Variants in KDM5B observed in about 807,000 individuals in gnomAD.
The protein encoded by KDM5B is lysine-specific demethylase 5B.
A neutral mutation model predicts 193.4 loss-of-function variants in KDM5B; 144 were observed. The observed-to-expected ratio is 0.74, with a 90% CI of 0.65 to 0.86. The LOEUF (loss-of-function observed/expected upper bound fraction) is 0.86, where lower values mean the gene tolerates loss of function less well. KDM5B is among the 40% of genes least tolerant of loss of function. The pLI is 0.00. For synonymous variants in KDM5B, 668 were observed against 682.6 expected (o/e 0.98, Z 0.33); for missense variants, 1,833 against 1,886.9 (o/e 0.97, Z 0.53).
At chr1:202,798,820 G>C (rs1045443315) in intron 1 of KDM5B, among the ~76,000 whole-genome samples, 2 of 151,998 alleles carry the variant, frequency 1.3e-5, no homozygotes, top group Non-Finnish European at 2.9e-5. Context: ...CCAGGAGTTC[G>C]AACCAGCCTC....
chr1:202,796,320 C>A, intron 1 of KDM5B: 1 of 388,830 alleles, frequency 2.6e-6, no homozygotes, highest in East Asian at 7.8e-5. Flanking sequence ...AAGACCCTAC[C>A]AGCTTCACTG....
intron 1 of KDM5B, among the ~76,000 whole-genome samples, chr1:202,788,366 G>A (rs1175971716): frequency 1.3e-5 from 2 of 152,154 alleles, no homozygotes; most frequent in African/African-American, 4.8e-5. Flanking sequence ...TAAAGAACTT[G>A]TTTCAAAGAT....
At chr1:202,749,306 T>TA (rs1655699260) in intron 13 of KDM5B, among the ~76,000 whole-genome samples, 167 bp from the exon 14 acceptor site, 1 of 152,204 alleles carries the variant, frequency 6.6e-6, no homozygotes. Context: ...CTCACACCTG[T>TA]AATTCCAACA....
Position 202,808,321 on chromosome 1 carries a change from A to C in KDM5B, c.-16T>G. On this transcript the variant is annotated 5_prime_UTR_variant, in exon 1 of 27. Transcript: ENST00000367265. ...CCGCCTCCATCACCGCAGGCTGGGC[A>C]AGGGCGAGGCGAAGGTGGGCTCCGG... The C allele has an allele frequency of 2.5e-6, 4 of 1,568,770 alleles. No homozygotes were observed. The highest frequency in any genetic ancestry group is 3.4e-6 in the Non-Finnish European group (4 of 1,160,002).
chr1:202,794,983 C>T (rs1290853538), intron 1 of KDM5B, among the ~76,000 whole-genome samples: 1 of 152,008 alleles, frequency 6.6e-6, no homozygotes, highest in African/African-American at 2.4e-5. Flanking sequence ...AAGGCTGAGG[C>T]GGGCAGATCA....
chr1:202,733,096 A>T (rs1654946417), intron 23 of KDM5B, among the ~76,000 whole-genome samples: 1 of 152,244 alleles, frequency 6.6e-6, no homozygotes, highest in Non-Finnish European at 1.5e-5. Context: ...TACATCATAT[A>T]CGTATATGTA....
chr1:202,808,366 G>C lies in KDM5B; in HGVS notation c.-61C>G, dbSNP rs935978775. On this transcript the variant is annotated 5_prime_UTR_variant, in exon 1 of 27. Transcript: ENST00000367265. ...CTCCGGGACCGAGGCTGCGAGCTCC[G>C]CTCGGTCCGAGACCCGTGCAGACGC... 3 of 1,449,222 alleles carry C rather than the reference G, an allele frequency of 2.1e-6. No individual in the cohort carries two copies. Among genetic ancestry groups the C allele is most frequent in the Non-Finnish European group, 2.7e-6 (3 of 1,091,400 alleles). The allele number at this position is 1,449,222 out of a possible 1,614,324, so 89.8% of individuals were successfully genotyped here. A position where few individuals can be genotyped will look rare whatever the true frequency, so the allele number is the denominator to read the frequency against.
intron 1 of KDM5B, 75 bp from the exon 2 acceptor site, chr1:202,777,169 AC>A: frequency 8.7e-7 from 1 of 1,152,804 alleles, no homozygotes; most frequent in Non-Finnish European, 1.3e-6. Context: ...TAAAATTAAA[AC>A]CCAGGTTAGG....
chr1:202,794,892 A>G (rs531258848), intron 1 of KDM5B, among the ~76,000 whole-genome samples: 36 of 152,344 alleles, frequency 2.4e-4, no homozygotes, highest in African/African-American at 7.9e-4. Context: ...GAGATTAACA[A>G]TAACAATTAA....
At position 202,764,111 on chromosome 1, in the gene KDM5B, G is replaced by A. The variant is rs768990738; in HGVS notation, c.746C>T (p.Thr249Met). The A allele has an allele frequency of 5.0e-5, 78 of 1,574,448 alleles. No individual in the cohort carries two copies. The highest frequency in any genetic ancestry group is 6.5e-5 in the Non-Finnish European group (76 of 1,160,642). The change falls in exon 6 of 27, where the codon ACG becomes ATG. Residue 249 changes from threonine (T) to methionine (M), a missense_variant. Thr to Met is a moderately conservative substitution (Grantham distance 81, BLOSUM62 -1). This residue lies in a region of KDM5B where 355 missense variants were observed against 374.9 expected (regional missense o/e 0.95). Transcript: ENST00000367265. Reference protein sequence around the residue: ...MNIKIEPEETTEARTHNLRRR... With the variant: ...MNIKIEPEETMEARTHNLRRR... The stretch of plus-strand genomic sequence containing the variant: ...TCTCAGATTATGAGTTCTGGCTTCC[G>A]TTGTCTCCTCGGGTTCTATTTTAAT...
chr1:202,798,613 C>A (rs953607712), intron 1 of KDM5B, among the ~76,000 whole-genome samples: 4 of 152,094 alleles, frequency 2.6e-5, no homozygotes, highest in African/African-American at 9.7e-5. Context: ...CCTGTAATCT[C>A]AACTAAATGG....
At chr1:202,782,651 G>A (rs552239452) in intron 1 of KDM5B, among the ~76,000 whole-genome samples, 14 of 152,232 alleles carry the variant, frequency 9.2e-5, no homozygotes, top group African/African-American at 2.6e-4. Flanking sequence ...GAAACATTGC[G>A]ATAATGTTTA....
At position 202,752,823 on chromosome 1, in the gene KDM5B, A is replaced by AC; in HGVS notation, c.1701+81dup. On this transcript the variant is annotated intron_variant, in intron 12 of 26. Coordinates refer to ENST00000367265, the MANE Select transcript of KDM5B (RefSeq NM_006618.5). Reference sequence around the variant, plus strand: ...CTATGGAAAACACAGAACTAAATCAACATCATAAAAAAGTGAATAAAAAGG... The same window carrying AC: ...CTATGGAAAACACAGAACTAAATCAACCATCATAAAAAAGTGAATAAAAAGG... 3 of 1,329,678 alleles carry AC rather than the reference A, an allele frequency of 2.3e-6. No individual in the cohort carries two copies. The South Asian group carries it at 4.0e-5, about 18-fold the overall frequency. 82.4% of individuals were successfully genotyped at this position (1,329,678 alleles called of 1,614,324 possible). A position where few individuals can be genotyped will look rare whatever the true frequency, so the allele number is the denominator to read the frequency against.
chr1:202,751,822 G>C (rs1478546925), intron 12 of KDM5B, among the ~76,000 whole-genome samples: 1 of 152,116 alleles, frequency 6.6e-6, no homozygotes, highest in Non-Finnish European at 1.5e-5. Flanking sequence ...AATTATTAAA[G>C]AACCAGGGTC....
intron 14 of KDM5B, 38 bp downstream of exon 14, chr1:202,748,907 C>G: frequency 6.5e-7 from 1 of 1,531,974 alleles, no homozygotes; most frequent in Non-Finnish European, 8.9e-7. Context: ...TAAATAATAC[C>G]CAATGACAAC....
intron 1 of KDM5B, among the ~76,000 whole-genome samples, chr1:202,795,860 T>C (rs1004324727): frequency 6.6e-6 from 1 of 151,110 alleles, no homozygotes; most frequent in Non-Finnish European, 1.5e-5. Context: ...ATACAGGGAG[T>C]CAGTCTTGGT....
chr1:202,784,322 A>C (rs1384082475), intron 1 of KDM5B, among the ~76,000 whole-genome samples: 1 of 152,200 alleles, frequency 6.6e-6, no homozygotes, highest in Non-Finnish European at 1.5e-5. Context: ...ACCAATTAGA[A>C]ATCAGTGTCA....
At chr1:202,737,880 G>A (rs1429619372) in intron 20 of KDM5B, among the ~76,000 whole-genome samples, 2 of 152,208 alleles carry the variant, frequency 1.3e-5, no homozygotes, top group African/African-American at 4.8e-5. Flanking sequence ...GGACAACTAG[G>A]GAAGACTGGG....
rs766993293 is a variant in KDM5B at position 202,741,446 on chromosome 1, T to C, written c.2866A>G (p.Lys956Glu). The C allele has an allele frequency of 6.8e-6, 11 of 1,611,248 alleles. No individual in the cohort carries two copies. The South Asian group carries it at 1.2e-4, about 18-fold the overall frequency. ...AGTTCCTGCAGCCGGGCCATAGCTT[T>C]CTCCACTGCTGAATACGGGGCCAGC... Reference protein sequence around the residue: ...VGLAPYSAVEKAMARLQELLT... With the variant: ...VGLAPYSAVEEAMARLQELLT... The change falls in exon 19 of 27, where the codon AAA becomes GAA. Residue 956 changes from lysine (K) to glutamate (E), a missense_variant. By Grantham distance (56) the Lys-to-Glu change is moderately conservative (BLOSUM62 1). Around this residue, in one of 3 missense-constraint regions of KDM5B, gnomAD observed 1,379 missense variants for 1,349.6 expected, o/e 1.02. Coordinates refer to ENST00000367265, the MANE Select transcript of KDM5B (RefSeq NM_006618.5).
Sources: allele counts gnomAD v4.1 joint callset (sites outside exome capture counted in the v4.1 genomes callset), GRCh38; gene constraint gnomAD v4.1.1; regional missense constraint gnomAD v4.1.1; transcripts MANE v1.5; gene names NCBI Gene and HGNC (gene_info 2026-07-23, HGNC 2026-07-21).